The following CACUL1 variants were observed in gnomAD, a reference collection of about 807,000 sequenced individuals.
The protein encoded by CACUL1 is CDK2-associated and cullin domain-containing protein 1.
CACUL1 carries 13 observed loss-of-function variants against 45.2 expected under a neutral mutation model. The ratio of observed to expected loss-of-function variants is 0.29; its 90% CI spans 0.19 to 0.46. CACUL1 has a LOEUF of 0.46. Among genes scored for constraint, CACUL1 ranks in the 20% least tolerant of loss-of-function variants. The pLI, the probability that CACUL1 is intolerant of heterozygous loss-of-function variation, is 1.00. For synonymous variants in CACUL1, 197 were observed against 174.2 expected (o/e 1.13, Z -1.03); for missense variants, 421 against 471.4 (o/e 0.89, Z 0.99).
intron 7 of CACUL1, among the ~76,000 whole-genome samples, chr10:118,689,022 A>G (rs902711881): frequency 2.6e-5 from 4 of 152,260 alleles, no homozygotes; most frequent in African/African-American, 9.6e-5. Flanking sequence ...GCCCATAACA[A>G]TGAACAGGAA....
intron 1 of CACUL1, among the ~76,000 whole-genome samples, chr10:118,747,378 A>C (rs1029069488): frequency 8.5e-5 from 13 of 152,310 alleles, no homozygotes; most frequent in Admixed American, 3.3e-4. Flanking sequence ...TAAACGTATC[A>C]GTAATATATA....
chr10:118,714,326 T>C (rs984870965), intron 3 of CACUL1, among the ~76,000 whole-genome samples: 14 of 152,246 alleles, frequency 9.2e-5, no homozygotes, highest in Admixed American at 7.2e-4. Context: ...CTGAGTTATG[T>C]AGATCTTCCC....
rs1403817703 is a variant in CACUL1 at position 118,754,710 on chromosome 10, T to C, written c.53A>G (p.Asp18Gly). Residue 18 changes from aspartate to glycine, a missense_variant, in exon 1 of 9, where the codon GAC becomes GGC. Asp to Gly is a moderately conservative substitution (Grantham distance 94). Coordinates refer to ENST00000369151, the MANE Select transcript of CACUL1 (RefSeq NM_153810.5). ...CTCCCAGTTGTTGTGGTTCTGGTCG[T>C]CCATCATCGCCTCGTAGCTGCCCCC... ...EEGGSYEAMM[D>G]DQNHNNWEAA... 6 of 1,606,022 alleles carry C rather than the reference T, an allele frequency of 3.7e-6. No homozygotes were observed. Among genetic ancestry groups the C allele is most frequent in the Non-Finnish European group, 5.1e-6 (6 of 1,177,018 alleles).
At position 118,754,906 on chromosome 10, in the gene CACUL1, C is replaced by T. The variant is rs1845942756; in HGVS notation, c.-144G>A. Reference sequence around the variant, plus strand: ...GAGAGGGCTGCGGTGCGCAGGGTCTCTCGCTCTCCGCGGGGCCGACTAGCT... The same window carrying T: ...GAGAGGGCTGCGGTGCGCAGGGTCTTTCGCTCTCCGCGGGGCCGACTAGCT... On this transcript the variant is annotated 5_prime_UTR_variant, in exon 1 of 9. Transcript: ENST00000369151. The T allele has an allele frequency of 7.6e-6, 9 of 1,189,328 alleles. No individual in the cohort carries two copies. The allele number at this position is 1,189,328 out of a possible 1,614,324, so 73.7% of individuals were successfully genotyped here.
chr10:118,683,168 T>C lies in CACUL1; in HGVS notation c.*2960A>G, dbSNP rs928590994. 1.3e-5 allele frequency: 2 copies of C among 152,142 alleles called. No homozygotes were observed. The highest frequency in any genetic ancestry group is 1.3e-4 in the Admixed American group (2 of 15,274). The allele number at this position is 152,142 out of a possible 1,614,324, so 9.4% of individuals were successfully genotyped here. A position where few individuals can be genotyped will look rare whatever the true frequency, so the allele number is the denominator to read the frequency against. ...AAACAATTATCGATTTACTTTTACA[T>C]GTCATTTTTTCAAGATGACTGACCC... On this transcript the variant is annotated 3_prime_UTR_variant, in exon 9 of 9. Transcript: ENST00000369151.
rs1212019797 is a variant in CACUL1, at chr10:118,680,496, G to A, written c.*5632C>T. 1 of 152,158 alleles carries A rather than the reference G, an allele frequency of 6.6e-6. No homozygotes were observed. Among genetic ancestry groups the A allele is most frequent in the Non-Finnish European group, 1.5e-5 (1 of 68,022 alleles). The allele number at this position is 152,158 out of a possible 1,614,324, so 9.4% of individuals were successfully genotyped here. On this transcript the variant is annotated 3_prime_UTR_variant, in exon 9 of 9. Transcript: ENST00000369151. ...CTGTAGGAAAGGACACCTCTACAGAGATAGCAAGAGAAACTAAAACCTTAA... is the reference window on the plus strand; with the variant it reads ...CTGTAGGAAAGGACACCTCTACAGAAATAGCAAGAGAAACTAAAACCTTAA...
intron 1 of CACUL1, among the ~76,000 whole-genome samples, chr10:118,750,590 T>C (rs1395076530): frequency 6.6e-6 from 1 of 152,204 alleles, no homozygotes; most frequent in Non-Finnish European, 1.5e-5. Context: ...GTTTTCACCT[T>C]ACAGTCTAAA....
chr10:118,712,027 G>A (rs1356475890), intron 3 of CACUL1, among the ~76,000 whole-genome samples: 2 of 152,206 alleles, frequency 1.3e-5, no homozygotes, highest in African/African-American at 4.8e-5. Flanking sequence ...GACAGTATTT[G>A]GCTTGGACAT....
rs550313493 is a variant in CACUL1 at position 118,686,309 on chromosome 10, G to C, written c.1070-141C>G. The C allele has an allele frequency of 2.5e-5, 18 of 730,510 alleles. No individual in the cohort carries two copies. The Middle Eastern group carries it at 9.5e-4, about 39-fold the overall frequency. The allele number at this position is 730,510 out of a possible 1,614,324, so 45.3% of individuals were successfully genotyped here. A position where few individuals can be genotyped will look rare whatever the true frequency, so the allele number is the denominator to read the frequency against. On this transcript the variant is annotated intron_variant, in intron 8 of 8. Coordinates refer to ENST00000369151, the MANE Select transcript of CACUL1 (RefSeq NM_153810.5). ...TTAAAAAAAATCCTCAAAACCATGT[G>C]GGGTGGAGGGAAGTAAAAGGGGACT...
intron 1 of CACUL1, among the ~76,000 whole-genome samples, chr10:118,745,477 C>T (rs1845832644): frequency 6.6e-6 from 1 of 151,960 alleles, no homozygotes; most frequent in African/African-American, 2.4e-5. Flanking sequence ...AAGGGAATCG[C>T]TTGAACCTGG....
intron 4 of CACUL1, among the ~76,000 whole-genome samples, chr10:118,702,688 T>C (rs913511855): frequency 1.3e-5 from 2 of 151,860 alleles, no homozygotes; most frequent in South Asian, 4.2e-4. Context: ...TTCAAATGAT[T>C]CTCCTGTCTC....
intron 3 of CACUL1, among the ~76,000 whole-genome samples, chr10:118,718,115 C>T (rs1449366033): frequency 6.6e-6 from 1 of 152,188 alleles, no homozygotes; most frequent in African/African-American, 2.4e-5. Flanking sequence ...AAACTGTCTA[C>T]CACTGGAAGA....
Position 118,688,595 on chromosome 10 carries a change from C to T in CACUL1, c.1026-1954G>A, listed in dbSNP as rs374647390. 9.2e-5 allele frequency among the ~76,000 whole-genome samples: 14 copies of T among 152,260 alleles called. No individual in the cohort carries two copies. The South Asian group carries it at 2.7e-3, about 29-fold the overall frequency. On this transcript the variant is annotated intron_variant, in intron 7 of 8. Transcript: ENST00000369151. ...CCGGAACGCTCTCTCAAAACCCTTA[C>T]TACAAAATAAAAAAGCCCAAATTTC...
At position 118,676,874 on chromosome 10, in the gene CACUL1, T is replaced by C. The variant is rs1014910334; in HGVS notation, c.*9254A>G. 2.1e-5 allele frequency: 3 copies of C among 139,540 alleles called. No homozygotes were observed. Among genetic ancestry groups the C allele is most frequent in the African/African-American group, 8.0e-5 (3 of 37,650 alleles). The allele number at this position is 139,540 out of a possible 1,614,324, so 8.6% of individuals were successfully genotyped here. ...CACACACACACACACACACACACACTGGGGTGTGCACACTACGGCATTAAA... is the reference window on the plus strand; with the variant it reads ...CACACACACACACACACACACACACCGGGGTGTGCACACTACGGCATTAAA... On this transcript the variant is annotated 3_prime_UTR_variant, in exon 9 of 9. Coordinates refer to ENST00000369151, the MANE Select transcript of CACUL1 (RefSeq NM_153810.5).
At chr10:118,729,084 T>C (rs1365371765) in intron 3 of CACUL1, 4 of 486,056 alleles carry the variant, frequency 8.2e-6, no homozygotes, top group Admixed American at 8.1e-5. Flanking sequence ...CTGAAATATA[T>C]TTAATCCAAA....
intron 7 of CACUL1, among the ~76,000 whole-genome samples, chr10:118,690,665 T>A (rs902881878): frequency 2.0e-5 from 3 of 152,242 alleles, no homozygotes; most frequent in Non-Finnish European, 4.4e-5. Flanking sequence ...AAGTTCTATA[T>A]GCACAGGACT....
In CACUL1 at chr10:118,754,597, GC is replaced by G; in HGVS notation, c.165del (p.Gln56SerfsTer32). 6.2e-7 allele frequency: 1 copy of G among 1,608,570 alleles called. No homozygotes were observed. Among genetic ancestry groups the G allele is most frequent in the Non-Finnish European group, 8.5e-7 (1 of 1,177,722 alleles). On this transcript the variant is annotated frameshift_variant, in exon 1 of 9. Transcript: ENST00000369151. LOFTEE classifies it high-confidence loss of function. ...IPAPAREPPG[G>X]QLLAVPAVSV... ...GAGACCGCGGGCACCGCCAGCAGCTGCCCCCCCGGAGGCTCTCGGGCAGGGG... is the reference window on the plus strand; with the variant it reads ...GAGACCGCGGGCACCGCCAGCAGCTGCCCCCCGGAGGCTCTCGGGCAGGGG...
intron 6 of CACUL1, among the ~76,000 whole-genome samples, chr10:118,692,105 G>C (rs1175350388): frequency 1.3e-5 from 2 of 151,946 alleles, no homozygotes; most frequent in Non-Finnish European, 2.9e-5. Context: ...TATAGCCCAA[G>C]AATAGAACAG....
At chr10:118,723,558 G>C (rs1175595972) in intron 3 of CACUL1, among the ~76,000 whole-genome samples, 1 of 151,970 alleles carries the variant, frequency 6.6e-6, no homozygotes, top group African/African-American at 2.4e-5. Flanking sequence ...GAAACTACTG[G>C]TGATGAATTC....
Sources: allele counts gnomAD v4.1 joint callset (sites outside exome capture counted in the v4.1 genomes callset), GRCh38; gene constraint gnomAD v4.1.1; transcripts MANE v1.5; gene names NCBI Gene and HGNC (gene_info 2026-07-23, HGNC 2026-07-21).